The following GALNT2 variants were observed in gnomAD, a reference collection of about 807,000 sequenced individuals.
The protein encoded by GALNT2 is polypeptide N-acetylgalactosaminyltransferase 2.
GALNT2 carries 31 observed loss-of-function variants against 81.4 expected under a neutral mutation model. The observed-to-expected ratio is 0.38, with a 90% CI of 0.29 to 0.51. The LOEUF (loss-of-function observed/expected upper bound fraction) is 0.51. GALNT2 is among the 20% of genes least tolerant of loss of function. The probability of loss-of-function intolerance (pLI) is 0.87; values close to 1 mark genes in which losing one functional copy is unlikely to be tolerated. For missense variants in GALNT2, 629 were observed against 765.7 expected (o/e 0.82, Z 2.11); for synonymous variants, 303 against 287.4 (o/e 1.05, Z -0.55).
chr1:230,122,130 G>A lies in GALNT2; in HGVS notation c.126+54724G>A, dbSNP rs183974146. 1.9e-3 allele frequency among the ~76,000 whole-genome samples: 282 copies of A among 152,008 alleles called. 3 individuals carry two copies. The highest frequency in any genetic ancestry group is 5.8e-4 in the East Asian group (3 of 5,172). On this transcript the variant is annotated intron_variant, in intron 1 of 15. Coordinates refer to ENST00000366672, the MANE Select transcript of GALNT2 (RefSeq NM_004481.5). ...GCTGTACATTATGAACAGGTTGTTT[G>A]CCAGGAACTGGGATAATGCCATTTT...
intron 1 of GALNT2, among the ~76,000 whole-genome samples, chr1:230,151,645 C>T (rs1057157233): frequency 1.3e-5 from 2 of 152,148 alleles, no homozygotes; most frequent in Non-Finnish European, 2.9e-5. Context: ...AAGCAGAGCT[C>T]CTCAGTTCAT....
intron 2 of GALNT2, among the ~76,000 whole-genome samples, chr1:230,189,107 A>G (rs1381855983): frequency 6.6e-6 from 1 of 152,110 alleles, no homozygotes; most frequent in Non-Finnish European, 1.5e-5. Context: ...GAGATCTCTC[A>G]CCCTTTGGTC....
At position 230,128,271 on chromosome 1, in the gene GALNT2, G is replaced by A. The variant is rs533968289; in HGVS notation, c.127-49947G>A. Among the ~76,000 whole-genome samples the A allele has an allele frequency of 2.7e-4, 41 of 152,242 alleles. No homozygotes were observed. In the South Asian group the frequency reaches 8.1e-3, roughly 30 times the overall value. On this transcript the variant is annotated intron_variant, in intron 1 of 15. Coordinates refer to ENST00000366672, the MANE Select transcript of GALNT2 (RefSeq NM_004481.5). ...TGCGCTGGAGAATGTGTGTGTGTGT[G>A]TGTGTGGTTATGAAGGAAAACAGGA...
chr1:230,161,862 A>T (rs1236020346), intron 1 of GALNT2, among the ~76,000 whole-genome samples: 3 of 152,146 alleles, frequency 2.0e-5, no homozygotes, highest in Non-Finnish European at 4.4e-5. Flanking sequence ...GGAAGTTCAG[A>T]GTTTAAAAAT....
chr1:230,091,693 A>G (rs539854271), intron 1 of GALNT2: 68 of 152,392 alleles, frequency 4.5e-4, no homozygotes, highest in African/African-American at 1.6e-3. Flanking sequence ...AGGCGGTAGA[A>G]GCACCAGCAA....
intron 2 of GALNT2, among the ~76,000 whole-genome samples, chr1:230,195,915 TA>T (rs1663680681): frequency 6.6e-6 from 1 of 152,072 alleles, no homozygotes; most frequent in Non-Finnish European, 1.5e-5. Context: ...AATCCTCAGA[TA>T]GGGGCAGGGC....
chr1:230,195,323 A>G (rs1443590567), intron 2 of GALNT2, among the ~76,000 whole-genome samples: 2 of 145,570 alleles, frequency 1.4e-5, no homozygotes, highest in South Asian at 2.1e-4. Context: ...TGGAATTTCA[A>G]GTTATTAGAC....
At chr1:230,074,480 T>C (rs902555180) in intron 1 of GALNT2, among the ~76,000 whole-genome samples, 2 of 152,190 alleles carry the variant, frequency 1.3e-5, no homozygotes, top group African/African-American at 4.8e-5. Context: ...CCACCCCTGA[T>C]CTTCCAAGTT....
intron 1 of GALNT2, among the ~76,000 whole-genome samples, chr1:230,104,317 G>C (rs1176904177): frequency 1.3e-5 from 2 of 152,156 alleles, no homozygotes; most frequent in Non-Finnish European, 2.9e-5. Flanking sequence ...CTTATCTTCT[G>C]GGGTATTTGG....
Position 230,279,930 on chromosome 1 carries a change from G to T in GALNT2, c.*472G>T, listed in dbSNP as rs749656129. 1.1e-5 allele frequency: 5 copies of T among 456,682 alleles called. No individual in the cohort carries two copies. Among genetic ancestry groups the T allele is most frequent in the South Asian group, 7.7e-5 (5 of 64,562 alleles). 28.3% of individuals were successfully genotyped at this position (456,682 alleles called of 1,614,324 possible). A position where few individuals can be genotyped will look rare whatever the true frequency, so the allele number is the denominator to read the frequency against. On this transcript the variant is annotated 3_prime_UTR_variant, in exon 16 of 16. Coordinates refer to ENST00000366672, the MANE Select transcript of GALNT2 (RefSeq NM_004481.5). This position sits in a 1 kb window ranked among gnomAD's most constrained non-coding sequence, Gnocchi z 4.6. ...TTTCCACAAAGCCGAGTCGTGTCAC[G>T]TGGCAGGTTTACGTCAATAGTCCCT...
rs952403682 is a variant in GALNT2 at position 230,091,394 on chromosome 1, G to A, written c.126+23988G>A. 6.6e-5 allele frequency among the ~76,000 whole-genome samples: 10 copies of A among 151,874 alleles called. No individual in the cohort carries two copies. In the East Asian group the frequency reaches 9.7e-4, roughly 15 times the overall value. On this transcript the variant is annotated intron_variant, in intron 1 of 15. Transcript: ENST00000366672. ...CGGTCCTCAGCAAACCTTTTCTATCGGCCTATTTCTATCTATTTTCTATCG... is the reference window on the plus strand; with the variant it reads ...CGGTCCTCAGCAAACCTTTTCTATCAGCCTATTTCTATCTATTTTCTATCG...
chr1:230,190,334 G>T (rs1183676610), intron 2 of GALNT2, among the ~76,000 whole-genome samples: 1 of 152,198 alleles, frequency 6.6e-6, no homozygotes, highest in Non-Finnish European at 1.5e-5. Context: ...TGAGACGAAG[G>T]GGTCTCCTCT....
chr1:230,141,140 T>C (rs1040697328), intron 1 of GALNT2, among the ~76,000 whole-genome samples: 4 of 152,168 alleles, frequency 2.6e-5, no homozygotes, highest in Non-Finnish European at 5.9e-5. Context: ...CCACAGGAGA[T>C]TAGTAGGAAC....
At chr1:230,236,634 A>C in intron 5 of GALNT2, 26 bp from the exon 6 acceptor site, 1 of 1,603,070 alleles carries the variant, frequency 6.2e-7, no homozygotes, top group Non-Finnish European at 8.5e-7. Context: ...CAGGTTCAAA[A>C]TGCTCTGCTT....
chr1:230,177,538 T>A (rs1039202737), intron 1 of GALNT2, among the ~76,000 whole-genome samples: 1 of 152,264 alleles, frequency 6.6e-6, no homozygotes, highest in Non-Finnish European at 1.5e-5. Flanking sequence ...TGTTATTTAG[T>A]CTGATTTAAT....
rs1666257793 is a variant in GALNT2, at chr1:230,275,100, T to C, written c.1560+536T>C. On this transcript the variant is annotated intron_variant, in intron 15 of 15. Coordinates refer to ENST00000366672, the MANE Select transcript of GALNT2 (RefSeq NM_004481.5). The surrounding 1 kb of genome is among the most constrained non-coding windows in gnomAD (Gnocchi z 5.5). ...TACACACCACATATATATACATGTA[T>C]ACACACCACATATATATACATATAT... Among the ~76,000 whole-genome samples, 1 of 150,076 alleles carries C rather than the reference T, an allele frequency of 6.7e-6. No homozygotes were observed. The highest frequency in any genetic ancestry group is 2.5e-5 in the African/African-American group (1 of 40,098).
intron 1 of GALNT2, among the ~76,000 whole-genome samples, chr1:230,152,053 C>T (rs1027955700): frequency 4.6e-5 from 7 of 152,160 alleles, no homozygotes; most frequent in African/African-American, 1.7e-4. Context: ...TTGGCCGGCT[C>T]CTTTACTGTA....
At chr1:230,098,626 G>A (rs571214582) in intron 1 of GALNT2, among the ~76,000 whole-genome samples, 2 of 152,122 alleles carry the variant, frequency 1.3e-5, no homozygotes, top group African/African-American at 2.4e-5. Flanking sequence ...ATGCCATAGC[G>A]GGGAGGGAGG....
At chr1:230,100,117 A>G (rs1260042731) in intron 1 of GALNT2, among the ~76,000 whole-genome samples, 1 of 152,104 alleles carries the variant, frequency 6.6e-6, no homozygotes. Context: ...AAATGAAGGG[A>G]TCAAGTCCTG....
Sources: gnomAD v4.1 joint callset for allele counts (sites outside exome capture counted in the v4.1 genomes callset) on GRCh38, gnomAD v4.1.1 for gene constraint, Gnocchi (gnomAD v3.1) non-coding constraint, MANE v1.5 for transcripts, NCBI Gene and HGNC (gene_info 2026-07-23, HGNC 2026-07-21) for gene names.